RIMS1: variants seen among roughly 807,000 people sequenced by gnomAD.
RIMS1 encodes the protein regulating synaptic membrane exocytosis 1, also known as regulating synaptic membrane exocytosis protein 1.
Under a neutral mutation model 214.1 loss-of-function variants are expected in RIMS1, and 83 were observed. That is an observed-to-expected ratio of 0.39 (90% CI 0.32 to 0.47). RIMS1 has a LOEUF of 0.47. Ranked by LOEUF, RIMS1 falls within the 20% of genes least tolerant of loss-of-function variation. The probability of loss-of-function intolerance (pLI) is 0.99; values close to 1 mark genes in which losing one functional copy is unlikely to be tolerated. For missense variants in RIMS1, 2,050 were observed against 2,161.8 expected (o/e 0.95, Z 1.03); for synonymous variants, 793 against 786.8 (o/e 1.01, Z -0.13).
intron 26 of RIMS1, among the ~76,000 whole-genome samples, chr6:72,302,468 C>A (rs1196973527): frequency 1.3e-5 from 2 of 151,574 alleles, no homozygotes; most frequent in Non-Finnish European, 3.0e-5. Context: ...TTAGCTAAAC[C>A]TTTTTCATCT....
At chr6:72,321,297 T>C (rs189449699) in intron 28 of RIMS1, among the ~76,000 whole-genome samples, 60 of 152,226 alleles carry the variant, frequency 3.9e-4, no homozygotes, top group African/African-American at 1.3e-3. Context: ...GACTCATTTA[T>C]ATAGTTTTAT....
At chr6:72,316,810 G>A (rs1593192232) in intron 28 of RIMS1, 4 of 766,844 alleles carry the variant, frequency 5.2e-6, no homozygotes, top group Non-Finnish European at 9.4e-6. Context: ...TAGGTGGGTG[G>A]TGGTGCCAAG....
intron 29 of RIMS1, among the ~76,000 whole-genome samples, chr6:72,374,825 TAGA>T (rs1198519425): frequency 2.0e-5 from 3 of 152,210 alleles, no homozygotes; most frequent in African/African-American, 7.2e-5. Flanking sequence ...CACCATAATG[TAGA>T]ATCAGTGGGA....
rs936007852 is a variant in RIMS1 at position 72,258,363 on chromosome 6, A to G, written c.2927+82A>G. 18 of 1,312,916 alleles carry G rather than the reference A, an allele frequency of 1.4e-5. No individual in the cohort carries two copies. In the African/African-American group the frequency reaches 1.9e-4, roughly 14 times the overall value. 81.3% of individuals were successfully genotyped at this position (1,312,916 alleles called of 1,614,324 possible). A position where few individuals can be genotyped will look rare whatever the true frequency, so the allele number is the denominator to read the frequency against. On this transcript the variant is annotated intron_variant, in intron 17 of 33. Transcript: ENST00000521978. ...GTAAATTGCTGCAAAACTAACTGAA[A>G]TGAAAAAATAGTTTGGTCAAATTAT...
intron 29 of RIMS1, among the ~76,000 whole-genome samples, chr6:72,381,872 A>C (rs2098496500): frequency 1.3e-5 from 2 of 152,226 alleles, no homozygotes; most frequent in African/African-American, 4.8e-5. Context: ...CTGAAGTAGT[A>C]TCTGTAAATA....
chr6:71,944,976 T>C (rs1787342650), intron 1 of RIMS1, among the ~76,000 whole-genome samples: 1 of 152,196 alleles, frequency 6.6e-6, no homozygotes, highest in African/African-American at 2.4e-5. Flanking sequence ...TTTGGCCCCA[T>C]ACAGAAAAGT....
chr6:72,216,931 A>G (rs549408565), intron 6 of RIMS1: 176 of 1,290,940 alleles, frequency 1.4e-4, no homozygotes, highest in Admixed American at 2.1e-4. Context: ...GCTGTAATCA[A>G]TGAGAATCTG....
At chr6:72,284,387 A>G (rs1563546517) in intron 24 of RIMS1, among the ~76,000 whole-genome samples, 2 of 152,198 alleles carry the variant, frequency 1.3e-5, no homozygotes, top group South Asian at 2.1e-4. Context: ...GATTAAATCC[A>G]TACTCATTCC....
intron 9 of RIMS1, among the ~76,000 whole-genome samples, chr6:72,238,467 T>C (rs2065242082): frequency 6.6e-6 from 1 of 152,126 alleles, no homozygotes; most frequent in African/African-American, 2.4e-5. Context: ...GTAGATGTGC[T>C]AATTCTTGGT....
chr6:72,294,506 T>G (rs973793349), intron 26 of RIMS1, among the ~76,000 whole-genome samples: 18 of 151,884 alleles, frequency 1.2e-4, no homozygotes, highest in African/African-American at 4.3e-4. Context: ...ATATTTCAAA[T>G]GGTTTAGATT....
intron 2 of RIMS1, among the ~76,000 whole-genome samples, chr6:72,041,618 C>T (rs902152071): frequency 2.0e-5 from 3 of 151,810 alleles, no homozygotes; most frequent in Non-Finnish European, 4.4e-5. Context: ...AAGACGTGGC[C>T]TCACTCCCTC....
At chr6:71,992,871 GATTT>G (rs1802310868) in intron 2 of RIMS1, among the ~76,000 whole-genome samples, 1 of 152,052 alleles carries the variant, frequency 6.6e-6, no homozygotes, top group African/African-American at 2.4e-5. Flanking sequence ...ATGTTTCCTA[GATTT>G]ATCTGGAACT....
At chr6:71,993,959 G>A (rs559781242) in intron 2 of RIMS1, among the ~76,000 whole-genome samples, 6 of 152,174 alleles carry the variant, frequency 3.9e-5, no homozygotes, top group East Asian at 3.9e-4. Context: ...AAGCAATTTC[G>A]ATAGTCAATA....
intron 29 of RIMS1, among the ~76,000 whole-genome samples, chr6:72,336,233 C>T (rs1564207486): frequency 2.0e-5 from 3 of 151,842 alleles, no homozygotes; most frequent in East Asian, 3.9e-4. Flanking sequence ...CTAGTTAGTA[C>T]CCTATCATTC....
intron 1 of RIMS1, among the ~76,000 whole-genome samples, chr6:71,962,048 G>A (rs1793103208): frequency 6.6e-6 from 1 of 152,060 alleles, no homozygotes. Context: ...GTAAAAAGAG[G>A]TTAATTGGAC....
chr6:71,934,875 C>G (rs540998057), intron 1 of RIMS1, among the ~76,000 whole-genome samples: 17 of 152,120 alleles, frequency 1.1e-4, no homozygotes, highest in Non-Finnish European at 2.1e-4. Flanking sequence ...TGTAGAAAAA[C>G]CACCTTTTCT....
Position 72,298,200 on chromosome 6 carries a change from A to G in RIMS1, c.3850+6154A>G, listed in dbSNP as rs181210958. Reference sequence around the variant, plus strand: ...TTACAGCATATGTTTTTAAAGTCACATAAAGAGAAGTGTAAAATACTCAAA... The same window carrying G: ...TTACAGCATATGTTTTTAAAGTCACGTAAAGAGAAGTGTAAAATACTCAAA... On this transcript the variant is annotated intron_variant, in intron 26 of 33. Transcript: ENST00000521978. Among the ~76,000 whole-genome samples the G allele has an allele frequency of 1.6e-3, 250 of 152,096 alleles. 1 individual carries two copies. The highest frequency in any genetic ancestry group is 1.6e-3 in the Non-Finnish European group (111 of 67,934).
intron 4 of RIMS1, among the ~76,000 whole-genome samples, chr6:72,105,896 C>A (rs957766587): frequency 6.6e-6 from 1 of 152,048 alleles, no homozygotes; most frequent in Non-Finnish European, 1.5e-5. Flanking sequence ...TATGACTATT[C>A]CTCATATTCT....
At chr6:72,064,096 T>C (rs899339715) in intron 2 of RIMS1, among the ~76,000 whole-genome samples, 6 of 152,202 alleles carry the variant, frequency 3.9e-5, no homozygotes, top group African/African-American at 1.4e-4. Context: ...GGTGGGTGGA[T>C]CACCTGAGGT....
Sources: gnomAD v4.1 joint callset for allele counts (sites outside exome capture counted in the v4.1 genomes callset) on GRCh38, gnomAD v4.1.1 for gene constraint, MANE v1.5 for transcripts, NCBI Gene and HGNC (gene_info 2026-07-23, HGNC 2026-07-21) for gene names.